The following CDH13 variants were observed in gnomAD, a reference collection of about 807,000 sequenced individuals.
CDH13 encodes the protein cadherin-13.
A neutral mutation model predicts 63.8 loss-of-function variants in CDH13; 24 were observed. The observed-to-expected ratio is 0.38, with a 90% CI of 0.27 to 0.53. The LOEUF (loss-of-function observed/expected upper bound fraction) is 0.53. Ranked by LOEUF, CDH13 falls within the 20% of genes least tolerant of loss-of-function variation. The probability of loss-of-function intolerance (pLI) is 0.85; values close to 1 mark genes in which losing one functional copy is unlikely to be tolerated. For missense variants in CDH13, 1,049 were observed against 903.1 expected (o/e 1.16, Z -2.07); for synonymous variants, 503 against 355.3 (o/e 1.42, Z -4.67).
intron 4 of CDH13, 67 bp downstream of exon 4, chr16:83,125,568 TATG>T: frequency 1.2e-6 from 1 of 821,488 alleles, no homozygotes. Context: ...GCAGACTGAG[TATG>T]ACTGTCTTGG....
At chr16:82,648,030 G>T (rs1222166510) in intron 1 of CDH13, among the ~76,000 whole-genome samples, 1 of 152,166 alleles carries the variant, frequency 6.6e-6, no homozygotes. Flanking sequence ...ATGCTCTCTT[G>T]CCTGCTGCCA....
At chr16:83,004,477 C>G (rs1913269462) in intron 2 of CDH13, among the ~76,000 whole-genome samples, 1 of 152,122 alleles carries the variant, frequency 6.6e-6, no homozygotes, top group Non-Finnish European at 1.5e-5. Flanking sequence ...TTTTGAATGT[C>G]ATGCAAGGAC....
chr16:82,834,916 C>T (rs959579933), intron 1 of CDH13, among the ~76,000 whole-genome samples: 3 of 152,150 alleles, frequency 2.0e-5, no homozygotes, highest in African/African-American at 7.2e-5. Context: ...TTAATTTTGC[C>T]TCTTGGCCCA....
rs1393693273 is a variant in CDH13, at chr16:83,443,716, AAAAAAAAAAAAAAAAAAAAATATAT to A, written c.782-42759_782-42735del. 6.4e-3 allele frequency among the ~76,000 whole-genome samples: 592 copies of A among 92,996 alleles called. 21 individuals are homozygous for A. The highest frequency in any genetic ancestry group is 0.028 in the African/African-American group (499 of 17,902). The allele number at this position is 92,996 out of a possible 152,430, so 61.0% of individuals were successfully genotyped here. A position where few individuals can be genotyped will look rare whatever the true frequency, so the allele number is the denominator to read the frequency against. On this transcript the variant is annotated intron_variant, in intron 6 of 13. Coordinates refer to ENST00000567109, the MANE Select transcript of CDH13 (RefSeq NM_001257.5). ...TGCGAAGTCCCTACGAAAAAAAAAA[AAAAAAAAAAAAAAAAAAAAATATAT>A]ATATATATATATATATATATATGGA... is the stretch of plus-strand genomic sequence containing the variant.
At chr16:83,747,437 G>A (rs1486949455) in intron 10 of CDH13, among the ~76,000 whole-genome samples, 1 of 152,164 alleles carries the variant, frequency 6.6e-6, no homozygotes, top group Non-Finnish European at 1.5e-5. Flanking sequence ...CTTCCGCCAT[G>A]ATTGCGAGGC....
Position 83,759,068 on chromosome 16 carries a change from C to G in CDH13, c.1681+10818C>G, listed in dbSNP as rs183874066. 1.8e-3 allele frequency among the ~76,000 whole-genome samples: 272 copies of G among 152,240 alleles called. 1 individual carries two copies. The highest frequency in any genetic ancestry group is 6.4e-3 in the African/African-American group (267 of 41,562). ...TGATTATAAAATTTATATGGAAATA[C>G]AAGGAGTGAAAAATGGCCAAGGCAA... On this transcript the variant is annotated intron_variant, in intron 11 of 13. Coordinates refer to ENST00000567109, the MANE Select transcript of CDH13 (RefSeq NM_001257.5).
intron 10 of CDH13, among the ~76,000 whole-genome samples, chr16:83,729,387 TC>T (rs1910789810): frequency 6.6e-6 from 1 of 152,194 alleles, no homozygotes; most frequent in Non-Finnish European, 1.5e-5. Flanking sequence ...GTATTACTAG[TC>T]TTTTTATTGC....
chr16:83,186,759 T>G (rs1362589176), intron 4 of CDH13, among the ~76,000 whole-genome samples: 1 of 151,924 alleles, frequency 6.6e-6, no homozygotes, highest in Non-Finnish European at 1.5e-5. Flanking sequence ...AAGCTTGACT[T>G]GAAAGAATGA....
At chr16:83,381,353 C>A (rs1384734019) in intron 6 of CDH13, among the ~76,000 whole-genome samples, 4 of 152,106 alleles carry the variant, frequency 2.6e-5, no homozygotes, top group African/African-American at 9.7e-5. Context: ...TTTCTGACAT[C>A]TGGCTTCTCC....
At chr16:82,806,133 C>G (rs1278894530) in intron 1 of CDH13, among the ~76,000 whole-genome samples, 4 of 152,162 alleles carry the variant, frequency 2.6e-5, no homozygotes, top group Non-Finnish European at 5.9e-5. Flanking sequence ...CTTCTCTCCA[C>G]TGTTTTAGTC....
intron 7 of CDH13, among the ~76,000 whole-genome samples, chr16:83,590,903 C>CTT (rs34324940): frequency 7.0e-3 from 618 of 88,754 alleles, no homozygotes; most frequent in African/African-American, 9.1e-3. Context: ...CCAGGGGATT[C>CTT]TTTTTTTTTT....
intron 5 of CDH13, among the ~76,000 whole-genome samples, chr16:83,232,294 G>C (rs7186556): frequency 0.98 from 143,479 of 145,682 alleles, 70,704 homozygotes; most frequent in Middle Eastern, 1. Context: ...GGAAGCTGAG[G>C]CGAGCAGATC....
intron 1 of CDH13, among the ~76,000 whole-genome samples, chr16:82,787,037 A>G (rs999177762): frequency 6.6e-6 from 1 of 152,166 alleles, no homozygotes; most frequent in African/African-American, 2.4e-5. Context: ...GGCTCTACTT[A>G]TTTGAAATGG....
At chr16:82,690,744 A>G (rs1037361602) in intron 1 of CDH13, among the ~76,000 whole-genome samples, 2 of 152,262 alleles carry the variant, frequency 1.3e-5, no homozygotes, top group Non-Finnish European at 2.9e-5. Flanking sequence ...ATCCTTATGC[A>G]TGTGTGCACA....
rs182058972 is a variant in CDH13, at chr16:83,644,737, T to C, written c.1102-26053T>C. ...GGTGGAATTCTAGGCCTGTGAATGG[T>C]TCACATCAGCAGTGGGGGTCCCCAG... On this transcript the variant is annotated intron_variant, in intron 8 of 13. Coordinates refer to ENST00000567109, the MANE Select transcript of CDH13 (RefSeq NM_001257.5). Among the ~76,000 whole-genome samples, 135 of 152,214 alleles carry C rather than the reference T, an allele frequency of 8.9e-4. 1 individual carries two copies. The highest frequency in any genetic ancestry group is 3.1e-3 in the African/African-American group (127 of 41,530).
intron 13 of CDH13, among the ~76,000 whole-genome samples, chr16:83,783,677 G>A (rs1016539613): frequency 1.3e-5 from 2 of 152,188 alleles, no homozygotes; most frequent in Non-Finnish European, 1.5e-5. Flanking sequence ...ATCCCTGCCA[G>A]CCAGTCTGAG....
intron 10 of CDH13, among the ~76,000 whole-genome samples, chr16:83,681,184 A>C (rs563714636): frequency 6.6e-6 from 1 of 152,132 alleles, no homozygotes; most frequent in Admixed American, 6.5e-5. Context: ...AGGGGCGGCT[A>C]CCCGAGGAAG....
chr16:83,440,542 G>C (rs1356731643), intron 6 of CDH13, among the ~76,000 whole-genome samples: 1 of 152,136 alleles, frequency 6.6e-6, no homozygotes, highest in East Asian at 1.9e-4. Context: ...AGCTTCAGGA[G>C]GCCAAGGCAG....
chr16:82,998,339 A>G (rs551956602), intron 2 of CDH13, among the ~76,000 whole-genome samples: 2 of 152,390 alleles, frequency 1.3e-5, no homozygotes, highest in Non-Finnish European at 2.9e-5. Flanking sequence ...AAGAAAGAAC[A>G]TAGCAAAAAA....
Sources: allele counts gnomAD v4.1 joint callset (sites outside exome capture counted in the v4.1 genomes callset), GRCh38; gene constraint gnomAD v4.1.1; transcripts MANE v1.5; gene names NCBI Gene and HGNC (gene_info 2026-07-23, HGNC 2026-07-21).